Variants in SYK observed in about 807,000 individuals in gnomAD.
SYK encodes tyrosine-protein kinase SYK.
SYK carries 16 observed loss-of-function variants against 77.8 expected under a neutral mutation model. The observed-to-expected ratio is 0.21, with a 90% CI of 0.14 to 0.31. The LOEUF is 0.31. Ranked by LOEUF, SYK falls within the 10% of genes least tolerant of loss-of-function variation. The pLI is 1.00. For missense variants in SYK, 529 were observed against 814.4 expected (o/e 0.65, Z 4.26); for synonymous variants, 312 against 308.7 (o/e 1.01, Z -0.11).
chr9:90,884,850 CAT>C (rs1208734547), intron 11 of SYK, among the ~76,000 whole-genome samples: 1 of 76,802 alleles, frequency 1.3e-5, no homozygotes, highest in Admixed American at 1.3e-4. Context: ...CATATACACA[CAT>C]ATGTGTGTAT....
chr9:90,874,078 A>G (rs1827836442), intron 7 of SYK, 126 bp from the exon 8 acceptor site: 1 of 801,058 alleles, frequency 1.2e-6, no homozygotes, highest in African/African-American at 1.7e-5. Context: ...GTTTTTCGTA[A>G]TTCTTTCCTT....
chr9:90,867,466 C>T (rs10217370), intron 7 of SYK, among the ~76,000 whole-genome samples: 12,401 of 152,232 alleles, frequency 0.081, 641 homozygotes, highest in African/African-American at 0.15. Context: ...ATTTTAAAGT[C>T]GTTTCAGTTG....
At chr9:90,894,617 G>T (rs941494386) in intron 13 of SYK, among the ~76,000 whole-genome samples, 2 of 152,168 alleles carry the variant, frequency 1.3e-5, no homozygotes, top group African/African-American at 4.8e-5. Flanking sequence ...GCTGAATGTG[G>T]ACGGTTTCCT....
chr9:90,837,391 A>G (rs1231600411), intron 1 of SYK, among the ~76,000 whole-genome samples: 1 of 152,098 alleles, frequency 6.6e-6, no homozygotes, highest in Non-Finnish European at 1.5e-5. Context: ...GAAGTTAACT[A>G]TGTGCGGGGG....
At chr9:90,820,285 G>A (rs985951538) in intron 1 of SYK, among the ~76,000 whole-genome samples, 3 of 152,230 alleles carry the variant, frequency 2.0e-5, no homozygotes, top group Non-Finnish European at 4.4e-5. Context: ...CCACTAGGCA[G>A]TGCCCCAGTA....
chr9:90,816,849 A>G (rs763279888), intron 1 of SYK, among the ~76,000 whole-genome samples: 1 of 152,158 alleles, frequency 6.6e-6, no homozygotes, highest in Non-Finnish European at 1.5e-5. Flanking sequence ...AGCTTCTTCT[A>G]TGTTATCACA....
chr9:90,833,972 T>C (rs1825982702), intron 1 of SYK, among the ~76,000 whole-genome samples: 1 of 152,180 alleles, frequency 6.6e-6, no homozygotes, highest in African/African-American at 2.4e-5. Context: ...CAGGGCTTCT[T>C]TGGTGTGGGG....
At chr9:90,862,389 C>A (rs117589960) in intron 4 of SYK, 45 bp downstream of exon 4, 596 of 1,587,596 alleles carry the variant, frequency 3.8e-4, no homozygotes, top group Non-Finnish European at 4.9e-4. Context: ...GTACAGGGCA[C>A]GTGGGGCTCC....
intron 3 of SYK, among the ~76,000 whole-genome samples, chr9:90,859,113 C>G (rs1211851528): frequency 6.6e-6 from 1 of 152,144 alleles, no homozygotes; most frequent in African/African-American, 2.4e-5. Flanking sequence ...GAGTGCATAA[C>G]TAAATAGGTA....
chr9:90,893,677 A>AG (rs1564129666), intron 13 of SYK, among the ~76,000 whole-genome samples: 1 of 152,232 alleles, frequency 6.6e-6, no homozygotes, highest in African/African-American at 2.4e-5. Flanking sequence ...CTTTATATAA[A>AG]ATCACACACT....
intron 1 of SYK, among the ~76,000 whole-genome samples, chr9:90,841,370 T>TGTGTGTAGTTTGTGTATGAC (rs1564085665): frequency 7.5e-5 from 11 of 146,204 alleles, no homozygotes; most frequent in Non-Finnish European, 1.1e-4. Flanking sequence ...GTGTGTAGTA[T>TGTGTGTAGTTTGTGTATGAC]GTGTGCAGTG....
At chr9:90,848,114 G>A (rs1279812709) in intron 3 of SYK, among the ~76,000 whole-genome samples, 1 of 152,160 alleles carries the variant, frequency 6.6e-6, no homozygotes, top group Non-Finnish European at 1.5e-5. Context: ...AGCAGGGAGA[G>A]TTTGCCAGCA....
At chr9:90,821,156 T>A (rs1206352497) in intron 1 of SYK, among the ~76,000 whole-genome samples, 1 of 152,174 alleles carries the variant, frequency 6.6e-6, no homozygotes, top group East Asian at 1.9e-4. Flanking sequence ...ATTCAACAAG[T>A]CTCTAGGAGG....
intron 3 of SYK, among the ~76,000 whole-genome samples, chr9:90,853,057 A>C (rs1391211375): frequency 6.6e-6 from 1 of 151,832 alleles, no homozygotes; most frequent in Non-Finnish European, 1.5e-5. Context: ...ACAAGGGCAG[A>C]GATGGGGCTG....
chr9:90,816,206 G>GGGCTT (rs1825287240), intron 1 of SYK, among the ~76,000 whole-genome samples: 2 of 152,198 alleles, frequency 1.3e-5, no homozygotes, highest in Non-Finnish European at 2.9e-5. Context: ...GTACTGGGCT[G>GGGCTT]GGCATTGGCA....
intron 1 of SYK, among the ~76,000 whole-genome samples, chr9:90,836,165 T>C (rs1489526933): frequency 1.3e-5 from 2 of 151,834 alleles, no homozygotes; most frequent in Non-Finnish European, 1.5e-5. Context: ...TGGGCACCTG[T>C]AATCCCAGCT....
intron 1 of SYK, among the ~76,000 whole-genome samples, chr9:90,828,894 A>T (rs965392568): frequency 2.0e-5 from 3 of 152,086 alleles, no homozygotes; most frequent in South Asian, 2.1e-4. Context: ...GCTTTCGCTC[A>T]CACTGAACGT....
At chr9:90,865,217 TCCGTGATG>T (rs1827437873) in intron 6 of SYK, 120 bp downstream of exon 6, 3 of 988,330 alleles carry the variant, frequency 3.0e-6, no homozygotes, top group Admixed American at 1.9e-5. Flanking sequence ...CAAAACATAC[TCCGTGATG>T]AGCTGGGATT....
chr9:90,812,544 C>A (rs995938201), intron 1 of SYK, among the ~76,000 whole-genome samples: 1 of 152,148 alleles, frequency 6.6e-6, no homozygotes, highest in Non-Finnish European at 1.5e-5. Flanking sequence ...TCCACCCCAC[C>A]CAGTGCAGGA....
Sources: gnomAD v4.1 joint callset for allele counts (sites outside exome capture counted in the v4.1 genomes callset) on GRCh38, gnomAD v4.1.1 for gene constraint, MANE v1.5 for transcripts, NCBI Gene and HGNC (gene_info 2026-07-23, HGNC 2026-07-21) for gene names.